RNF31: variants seen among roughly 807,000 people sequenced by gnomAD.
RNF31 encodes the protein E3 ubiquitin-protein ligase RNF31.
Under a neutral mutation model 133.6 loss-of-function variants are expected in RNF31, and 38 were observed. The ratio of observed to expected loss-of-function variants is 0.28; its 90% confidence interval spans 0.22 to 0.37. The LOEUF is 0.37. RNF31 is among the 10% of genes least tolerant of loss of function. The pLI, the probability that RNF31 is intolerant of heterozygous loss-of-function variation, is 1.00. For synonymous variants in RNF31, 582 were observed against 552.3 expected (o/e 1.05, Z -0.75); for missense variants, 1,118 against 1,394.1 (o/e 0.80, Z 3.15).
chr14:24,155,690 C>T lies in RNF31; in HGVS notation c.2491C>T (p.Gln831Ter). Residue 831 changes from glutamine (Q) to a stop codon, truncating the protein, a stop_gained and splice_region_variant, in exon 14 of 21, where the codon CAG (glutamine) becomes TAG (stop). Coordinates refer to ENST00000324103, the MANE Select transcript of RNF31 (RefSeq NM_017999.5). LOFTEE classifies it high-confidence loss of function. The surrounding 1 kb of genome is among the most constrained non-coding windows in gnomAD (Gnocchi z 4.9). Reference protein sequence around the residue: ...HQTFCVRCKRQWEEQHRGRSC... With the variant: ...HQTFCVRCKR ...GACCTTCTGTGTGCGCTGCAAGCGC[C>T]AGGTGAGGCACATTCATCCTTTCAG... The T allele has an allele frequency of 6.2e-7, 1 of 1,612,644 alleles. No homozygotes were observed. Among genetic ancestry groups the T allele is most frequent in the Non-Finnish European group, 8.5e-7 (1 of 1,178,708 alleles).
In RNF31 at chr14:24,160,338, C is replaced by G. The variant is rs1207979270; in HGVS notation, c.3096C>G (p.Arg1032=). Residue 1032 remains arginine (R), a synonymous_variant, in exon 20 of 21, where the codon CGC becomes CGG. Transcript: ENST00000324103. This position sits in a 1 kb window ranked among gnomAD's most constrained non-coding sequence, Gnocchi z 4.0. The stretch of plus-strand genomic sequence containing the variant: ...AAGAGCTGGAGACGGCCACTGAGCG[C>G]TACCTGCACGTACGCCCCCAGCCTT... ...EVEELETATE[R]YLHVRPQPLA... 1 of 1,614,206 alleles carries G rather than the reference C, an allele frequency of 6.2e-7. No individual in the cohort carries two copies.
rs201926987 is a variant in RNF31, at chr14:24,147,871, G to A, written c.173G>A (p.Arg58His). 202 of 1,611,054 alleles carry A rather than the reference G, an allele frequency of 1.3e-4. No homozygotes were observed. Among genetic ancestry groups the A allele is most frequent in the Non-Finnish European group, 1.6e-4 (188 of 1,179,662 alleles). ...YLQLDAARLV[R>H]CNAHGEPRNY... is the part of the protein sequence containing the mutation. ...CAGCTGGACGCCGCACGCCTTGTCC[G>A]CTGCAACGCTCATGGGGAGGTGAGG... The change falls in exon 1 of 21, where the codon CGC (arginine) becomes CAC (histidine). Residue 58 changes from arginine to histidine, a missense_variant. This residue lies in a region of RNF31 where 747 missense variants were observed against 827.9 expected (regional missense o/e 0.90). Transcript: ENST00000324103.
Position 24,160,287 on chromosome 14 carries a change from G to A in RNF31, c.3045G>A (p.Leu1015=). 1 of 1,614,110 alleles carries A rather than the reference G, an allele frequency of 6.2e-7. No homozygotes were observed. The highest frequency in any genetic ancestry group is 1.7e-5 in the Admixed American group (1 of 60,010). Residue 1015 remains leucine (L), a synonymous_variant, in exon 20 of 21, where the codon CTG becomes CTA. Transcript: ENST00000324103. The surrounding 1 kb of genome is among the most constrained non-coding windows in gnomAD (Gnocchi z 4.0). ...TGAGCCTCATCAATGCCCACTCGCT[G>A]GACCCAGCCACCTTGTATGAGGTGG... The part of the protein sequence containing the change: ...YLVSLINAHS[L]DPATLYEVEE...
chr14:24,153,844 C>T (rs954945267), intron 11 of RNF31, among the ~76,000 whole-genome samples: 60 of 150,932 alleles, frequency 4.0e-4, no homozygotes, highest in Admixed American at 1.8e-3. Context: ...ACAGAGGTTG[C>T]AGTGAGCCAG....
rs2038330211 is a variant in RNF31 at position 24,155,554 on chromosome 14, G to T, written c.2403+42G>T. ...GGGCAGCTACTGTGGAGGGGCAGGG[G>T]ATGGTTCCAGGTCAGGCCTTTGATA... On this transcript the variant is annotated intron_variant, in intron 13 of 20. Transcript: ENST00000324103. The surrounding 1 kb of genome is among the most constrained non-coding windows in gnomAD (Gnocchi z 4.9). 9 of 1,613,178 alleles carry T rather than the reference G, an allele frequency of 5.6e-6. No homozygotes were observed. The highest frequency in any genetic ancestry group is 1.3e-5 in the African/African-American group (1 of 74,940).
chr14:24,153,030 G>A (rs560365614), intron 11 of RNF31, among the ~76,000 whole-genome samples: 1 of 151,458 alleles, frequency 6.6e-6, no homozygotes, highest in South Asian at 2.1e-4. Context: ...GCAGTGAGCC[G>A]AGATCGCGCC....
In RNF31 at chr14:24,150,244, G is replaced by A. The variant is rs1324446764; in HGVS notation, c.993G>A (p.Gly331=). ...GTGATCGGCCCCGAGGCTGTAAGGG[G>A]TTGGGGTTGGGAACTGAGGGTCCCC... The part of the protein sequence containing the change: ...VACDRPRGCK[G]LGLGTEGPQG... Residue 331 remains glycine, a synonymous_variant, in exon 7 of 21, where the codon GGG becomes GGA. Transcript: ENST00000324103. 2 of 1,614,230 alleles carry A rather than the reference G, an allele frequency of 1.2e-6. No individual in the cohort carries two copies. The highest frequency in any genetic ancestry group is 1.1e-5 in the South Asian group (1 of 91,086).
chr14:24,151,275 G>A lies in RNF31; in HGVS notation c.1633G>A (p.Gly545Arg). The change falls in exon 9 of 21, where the codon GGG becomes AGG. Residue 545 changes from glycine to arginine, a missense_variant. Gly to Arg is a moderately radical substitution (Grantham distance 125). Transcript: ENST00000324103. This position sits in a 1 kb window ranked among gnomAD's most constrained non-coding sequence, Gnocchi z 5.3. Reference sequence around the variant, plus strand: ...TGAGCTGGCTGGACAGCAGGACCCTGGGCTGGGTGCCTTTTCCTGTCAGGA... The same window carrying A: ...TGAGCTGGCTGGACAGCAGGACCCTAGGCTGGGTGCCTTTTCCTGTCAGGA... ...VAELAGQQDP[G>R]LGAFSCQEAR... 2.5e-6 allele frequency: 4 copies of A among 1,614,244 alleles called. No individual in the cohort carries two copies. The highest frequency in any genetic ancestry group is 3.4e-6 in the Non-Finnish European group (4 of 1,180,042).
At position 24,151,109 on chromosome 14, in the gene RNF31, G is replaced by C; in HGVS notation, c.1489-22G>C. The C allele has an allele frequency of 3.7e-6, 6 of 1,610,918 alleles. No individual in the cohort carries two copies. The highest frequency in any genetic ancestry group is 5.1e-6 in the Non-Finnish European group (6 of 1,177,886). On this transcript the variant is annotated intron_variant, in intron 8 of 20. Coordinates refer to ENST00000324103, the MANE Select transcript of RNF31 (RefSeq NM_017999.5). This position sits in a 1 kb window ranked among gnomAD's most constrained non-coding sequence, Gnocchi z 5.3. ...AGGGTGGGTGAAGGGTGCCCCTCCT[G>C]ATGGGCGGGACTGTGCCTTAGGAAG...
rs1249890436 is a variant in RNF31, at chr14:24,148,061, G to A, written c.278G>A (p.Arg93Gln). 19 of 1,614,102 alleles carry A rather than the reference G, an allele frequency of 1.2e-5. No individual in the cohort carries two copies. The highest frequency in any genetic ancestry group is 1.4e-5 in the Non-Finnish European group (17 of 1,180,040). Residue 93 changes from arginine (R) to glutamine (Q), a missense_variant, in exon 2 of 21, where the codon CGG (arginine) becomes CAG (glutamine). Arg to Gln is a conservative substitution (Grantham distance 43). Around this residue, in one of 3 missense-constraint regions of RNF31, gnomAD observed 747 missense variants for 827.9 expected, o/e 0.90. Coordinates refer to ENST00000324103, the MANE Select transcript of RNF31 (RefSeq NM_017999.5). ...AACCTTCTCAGCCCTCAGCGGCCTC[G>A]GTACTGGCGTGGTGTCAAGTTTAAT... ...GRNLLSPQRP[R>Q]YWRGVKFNNP...
chr14:24,146,876 T>G (rs1421770139), upstream of RNF31: 1 of 518,608 alleles, frequency 1.9e-6, no homozygotes, highest in South Asian at 2.2e-5. Flanking sequence ...GCGGGGCTTA[T>G]AGCTAGGGCC....
In RNF31 at chr14:24,155,137, T is replaced by A; in HGVS notation, c.2131-20T>A. The A allele has an allele frequency of 6.2e-7, 1 of 1,609,228 alleles. No homozygotes were observed. The highest frequency in any genetic ancestry group is 1.1e-5 in the South Asian group (1 of 90,880). ...AGCTGTGGCTTCTGACCCCCTCCCC[T>A]CCAACCCCTCACCCTCCAGATGCAG... On this transcript the variant is annotated intron_variant, in intron 11 of 20. Coordinates refer to ENST00000324103, the MANE Select transcript of RNF31 (RefSeq NM_017999.5). This position sits in a 1 kb window ranked among gnomAD's most constrained non-coding sequence, Gnocchi z 4.9.
At chr14:24,157,767 C>G (rs1044197924) in intron 16 of RNF31, 129 bp downstream of exon 16, 11 of 1,081,958 alleles carry the variant, frequency 1.0e-5, no homozygotes, top group African/African-American at 3.1e-5. Context: ...AACTCTCTGT[C>G]CCCTTACCCT....
At position 24,160,547 on chromosome 14, in the gene RNF31, CAG is replaced by C; in HGVS notation, c.3196_3197del (p.Ser1066TyrfsTer?). The C allele has an allele frequency of 6.5e-7, 1 of 1,544,980 alleles. No individual in the cohort carries two copies. Among genetic ancestry groups the C allele is most frequent in the Non-Finnish European group, 8.7e-7 (1 of 1,143,144 alleles). The part of the protein sequence containing the change: ...QKLTEEVPLG[Q>X]SIPRRRK ...GCTGACAGAAGAGGTACCCTTGGGACAGAGTATCCCCCGCAGGCGGAAGTAGC... is the reference window on the plus strand; with the variant it reads ...GCTGACAGAAGAGGTACCCTTGGGACAGTATCCCCCGCAGGCGGAAGTAGC... On this transcript the variant is annotated frameshift_variant, in exon 21 of 21. Transcript: ENST00000324103. LOFTEE classifies it high-confidence loss of function. The surrounding 1 kb of genome is among the most constrained non-coding windows in gnomAD (Gnocchi z 4.0).
chr14:24,148,872 C>T lies in RNF31; in HGVS notation c.627C>T (p.Val209=), dbSNP rs1292866124. 1 of 1,613,688 alleles carries T rather than the reference C, an allele frequency of 6.2e-7. No homozygotes were observed. The highest frequency in any genetic ancestry group is 8.5e-7 in the Non-Finnish European group (1 of 1,179,566). The change falls in exon 5 of 21, where the codon GTC becomes GTT. Residue 209 remains valine (V), a synonymous_variant. Transcript: ENST00000324103. The part of the protein sequence containing the change: ...IAPGPLTTPS[V]PGSTPGPCFL... ...CTGGCCCCCTCACCACACCCTCTGT[C>T]CCAGGTATTATTGGTCCTAAATTGG... is the stretch of plus-strand genomic sequence containing the variant.
rs755187020 is a variant in RNF31 at position 24,148,004 on chromosome 14, C to T, written c.221C>T (p.Thr74Met). 2 of 1,614,244 alleles carry T rather than the reference C, an allele frequency of 1.2e-6. No individual in the cohort carries two copies. Among genetic ancestry groups the T allele is most frequent in the Non-Finnish European group, 1.7e-6 (2 of 1,180,032 alleles). ...EPRNYLNTLS[T>M]ALNILEKYGR... Reference sequence around the variant, plus strand: ...CGAAACTACCTCAACACCCTGTCCACGGCTCTGAACATCCTGGAGAAATAC... The same window carrying T: ...CGAAACTACCTCAACACCCTGTCCATGGCTCTGAACATCCTGGAGAAATAC... The change falls in exon 2 of 21, where the codon ACG becomes ATG. Residue 74 changes from threonine to methionine, a missense_variant. This residue lies in a region of RNF31 where 747 missense variants were observed against 827.9 expected (regional missense o/e 0.90). Transcript: ENST00000324103.
chr14:24,156,043 G>C (rs2038336906), intron 14 of RNF31, among the ~76,000 whole-genome samples: 1 of 152,206 alleles, frequency 6.6e-6, no homozygotes, highest in African/African-American at 2.4e-5. Context: ...TCTCTAAAAT[G>C]GTTTAAGCTC....
chr14:24,151,743 G>C lies in RNF31; in HGVS notation c.1924-43G>C. 6.2e-7 allele frequency: 1 copy of C among 1,600,238 alleles called. No individual in the cohort carries two copies. Among genetic ancestry groups the C allele is most frequent in the Non-Finnish European group, 8.5e-7 (1 of 1,172,820 alleles). ...AGGGAGCTGAGGGGAAGGGTCCCTG[G>C]AGTCTGACAGCACTTCCCCCCTCCA... is the stretch of plus-strand genomic sequence containing the variant. On this transcript the variant is annotated intron_variant, in intron 10 of 20. Transcript: ENST00000324103. The surrounding 1 kb of genome is among the most constrained non-coding windows in gnomAD (Gnocchi z 5.3).
Position 24,151,302 on chromosome 14 carries a change from G to T in RNF31, c.1660G>T (p.Ala554Ser), listed in dbSNP as rs1340204416. 2 of 1,614,134 alleles carry T rather than the reference G, an allele frequency of 1.2e-6. No homozygotes were observed. Among genetic ancestry groups the T allele is most frequent in the Non-Finnish European group, 1.7e-6 (2 of 1,180,056 alleles). Residue 554 changes from alanine to serine, a missense_variant, in exon 9 of 21, where the codon GCC becomes TCC. Transcript: ENST00000324103. This position sits in a 1 kb window ranked among gnomAD's most constrained non-coding sequence, Gnocchi z 5.3. The part of the protein sequence containing the change: ...PGLGAFSCQE[A>S]RRAWLDRHGN... ...GCTGGGTGCCTTTTCCTGTCAGGAG[G>T]CCCGGAGAGCCTGGCTGGATCGTCA...
Sources: gnomAD v4.1 joint callset for allele counts (sites outside exome capture counted in the v4.1 genomes callset) on GRCh38, gnomAD v4.1.1 for gene constraint, gnomAD v4.1.1 regional missense constraint, Gnocchi (gnomAD v3.1) non-coding constraint, MANE v1.5 for transcripts, NCBI Gene and HGNC (gene_info 2026-07-23, HGNC 2026-07-21) for gene names.